The following NCAM2 variants were observed in gnomAD, a reference collection of about 807,000 sequenced individuals.
NCAM2 encodes N-CAM-2.
Under a neutral mutation model 98.1 loss-of-function variants are expected in NCAM2, and 30 were observed. The observed-to-expected ratio is 0.31, with a 90% CI of 0.23 to 0.41. The LOEUF (loss-of-function observed/expected upper bound fraction) is 0.41. Ranked by LOEUF, NCAM2 falls within the 10% of genes least tolerant of loss-of-function variation. The pLI is 1.00. For synonymous variants in NCAM2, 368 were observed against 342.4 expected (o/e 1.07, Z -0.83); for missense variants, 867 against 1,005.8 (o/e 0.86, Z 1.87).
chr21:21,540,280 T>TAC lies in NCAM2; in HGVS notation c.*2327_*2328dup. 8.5e-6 allele frequency: 1 copy of TAC among 117,814 alleles called. No individual in the cohort carries two copies. Among genetic ancestry groups the TAC allele is most frequent in the African/African-American group, 3.4e-5 (1 of 29,612 alleles). The allele number at this position is 117,814 out of a possible 1,614,324, so 7.3% of individuals were successfully genotyped here. On this transcript the variant is annotated 3_prime_UTR_variant, in exon 18 of 18. Transcript: ENST00000400546. ...ATATATATATACACATATATATATA[T>TAC]ACACATATATATACATATATATATA...
In NCAM2 at chr21:21,095,689, G is replaced by A. The variant is rs548672089; in HGVS notation, c.55+97071G>A. Among the ~76,000 whole-genome samples, 8 of 151,546 alleles carry A rather than the reference G, an allele frequency of 5.3e-5. No individual in the cohort carries two copies. In the East Asian group the frequency reaches 1.4e-3, roughly 26 times the overall value. Reference sequence around the variant, plus strand: ...CTCAGAAAAAATAACTAGAAGCAAGGACCTGTGAATATAATAAAAACAGTA... The same window carrying A: ...CTCAGAAAAAATAACTAGAAGCAAGAACCTGTGAATATAATAAAAACAGTA... On this transcript the variant is annotated intron_variant, in intron 1 of 17. Transcript: ENST00000400546.
chr21:21,075,589 G>C (rs1393716931), intron 1 of NCAM2, among the ~76,000 whole-genome samples: 1 of 152,138 alleles, frequency 6.6e-6, no homozygotes, highest in Non-Finnish European at 1.5e-5. Flanking sequence ...GTTGTTACCT[G>C]TAGAGTTTTC....
chr21:21,019,694 T>C (rs2064387839), intron 1 of NCAM2, among the ~76,000 whole-genome samples: 1 of 152,212 alleles, frequency 6.6e-6, no homozygotes, highest in African/African-American at 2.4e-5. Flanking sequence ...AATTTGGATA[T>C]ATCAAAAATG....
intron 1 of NCAM2, among the ~76,000 whole-genome samples, chr21:21,049,543 A>G (rs1349473584): frequency 6.6e-6 from 1 of 151,698 alleles, no homozygotes; most frequent in East Asian, 1.9e-4. Flanking sequence ...TTTAAATGTT[A>G]CTATAAGGAA....
chr21:21,350,066 G>A (rs900160943), intron 8 of NCAM2, among the ~76,000 whole-genome samples: 7 of 152,092 alleles, frequency 4.6e-5, no homozygotes, highest in African/African-American at 1.7e-4. Context: ...AACTTAAAAA[G>A]TGTAATTGGA....
At chr21:21,237,733 A>G (rs555358623) in intron 1 of NCAM2, among the ~76,000 whole-genome samples, 2 of 152,058 alleles carry the variant, frequency 1.3e-5, no homozygotes, top group Admixed American at 1.3e-4. Context: ...TATATTTCCT[A>G]ATAAAGGGCA....
intron 1 of NCAM2, among the ~76,000 whole-genome samples, chr21:21,100,721 T>C (rs1188896118): frequency 1.3e-5 from 2 of 152,006 alleles, no homozygotes; most frequent in African/African-American, 4.8e-5. Context: ...TAAACTGCCC[T>C]TTAACCCCCT....
intron 5 of NCAM2, among the ~76,000 whole-genome samples, chr21:21,321,298 G>A (rs8128837): frequency 0.42 from 64,096 of 151,818 alleles, 14,818 homozygotes; most frequent in Non-Finnish European, 0.53. Flanking sequence ...GTTCCTTATA[G>A]ATTCCGGATA....
chr21:21,516,595 T>G (rs893803766), intron 16 of NCAM2, among the ~76,000 whole-genome samples: 4 of 152,090 alleles, frequency 2.6e-5, no homozygotes. Context: ...TATACCAGTG[T>G]TTTTTTCTCT....
At chr21:21,375,918 A>G (rs1352537455) in intron 9 of NCAM2, among the ~76,000 whole-genome samples, 1 of 151,848 alleles carries the variant, frequency 6.6e-6, no homozygotes, top group Non-Finnish European at 1.5e-5. Flanking sequence ...GCTGTATCAT[A>G]GGATTAGTAC....
At chr21:21,492,307 C>T (rs1008999610) in intron 15 of NCAM2, among the ~76,000 whole-genome samples, 19 of 151,806 alleles carry the variant, frequency 1.3e-4, no homozygotes, top group Admixed American at 8.5e-4. Flanking sequence ...AGGTCTAGTT[C>T]CTTTGCTATT....
At chr21:21,345,441 A>G (rs577979806) in intron 8 of NCAM2, among the ~76,000 whole-genome samples, 2 of 152,250 alleles carry the variant, frequency 1.3e-5, no homozygotes, top group East Asian at 1.9e-4. Context: ...AATAATTACA[A>G]CGAATCAAGT....
chr21:21,173,127 G>T (rs1046752139), intron 1 of NCAM2, among the ~76,000 whole-genome samples: 2 of 152,064 alleles, frequency 1.3e-5, no homozygotes, highest in Non-Finnish European at 2.9e-5. Flanking sequence ...AAATGTTGTA[G>T]AAATGAATTA....
chr21:21,531,856 G>A (rs1989716342), intron 16 of NCAM2, among the ~76,000 whole-genome samples: 3 of 150,402 alleles, frequency 2.0e-5, no homozygotes, highest in East Asian at 1.9e-4. Context: ...AGCCGGGCGT[G>A]GTGGTGGGCG....
chr21:21,330,021 C>T (rs1216432713), intron 6 of NCAM2, among the ~76,000 whole-genome samples: 1 of 152,036 alleles, frequency 6.6e-6, no homozygotes, highest in African/African-American at 2.4e-5. Flanking sequence ...AACCTCATAA[C>T]TGGTTATTTG....
intron 5 of NCAM2, among the ~76,000 whole-genome samples, chr21:21,315,585 T>C (rs548370300): frequency 6.6e-6 from 1 of 152,308 alleles, no homozygotes; most frequent in Non-Finnish European, 1.5e-5. Context: ...TGTTTGCAGC[T>C]TTCCTCTGTT....
chr21:21,526,748 C>G (rs1989346276), intron 16 of NCAM2, among the ~76,000 whole-genome samples: 1 of 152,230 alleles, frequency 6.6e-6, no homozygotes, highest in Admixed American at 6.5e-5. Flanking sequence ...ATAAACAAGA[C>G]TTTGTGATAT....
At chr21:21,162,006 A>C (rs965451010) in intron 1 of NCAM2, among the ~76,000 whole-genome samples, 1 of 152,226 alleles carries the variant, frequency 6.6e-6, no homozygotes, top group South Asian at 2.1e-4. Context: ...TCTCTGCATT[A>C]TAGCTTTCAG....
At chr21:21,265,450 A>G (rs2072217872) in intron 1 of NCAM2, among the ~76,000 whole-genome samples, 1 of 134,680 alleles carries the variant, frequency 7.4e-6, no homozygotes, top group East Asian at 2.1e-4. Context: ...ATATATACAC[A>G]CATATATAAT....
Sources: gnomAD v4.1 joint callset for allele counts (sites outside exome capture counted in the v4.1 genomes callset) on GRCh38, gnomAD v4.1.1 for gene constraint, MANE v1.5 for transcripts, NCBI Gene and HGNC (gene_info 2026-07-23, HGNC 2026-07-21) for gene names.